Variants in SEMA3A observed in about 807,000 individuals in gnomAD.
SEMA3A encodes the protein semaphorin 3A, also known as semaphorin-3A.
Under a neutral mutation model 97.9 loss-of-function variants are expected in SEMA3A, and 29 were observed. The ratio of observed to expected loss-of-function variants is 0.30; its 90% CI spans 0.22 to 0.40. SEMA3A has a LOEUF of 0.40. Ranked by LOEUF, SEMA3A falls within the 10% of genes least tolerant of loss-of-function variation. The pLI is 1.00. For missense variants in SEMA3A, 763 were observed against 951.3 expected, an observed-to-expected ratio of 0.80 and a Z score of 2.60; for synonymous variants, 321 against 323.7, an observed-to-expected ratio of 0.99 and a Z score of 0.09.
chr7:84,149,151 C>G (rs1322336552), intron 1 of SEMA3A, among the ~76,000 whole-genome samples: 2 of 152,160 alleles, frequency 1.3e-5, no homozygotes, highest in Non-Finnish European at 2.9e-5. Context: ...ATATCCAGCT[C>G]TCCCCAAGTA....
At chr7:84,191,721 T>G (rs1798043049) in intron 1 of SEMA3A, among the ~76,000 whole-genome samples, 1 of 151,804 alleles carries the variant, frequency 6.6e-6, no homozygotes, top group Admixed American at 6.6e-5. Context: ...AAATGTTTCT[T>G]AAGGATAATT....
chr7:84,087,640 C>T (rs1362357466), intron 4 of SEMA3A, among the ~76,000 whole-genome samples: 2 of 152,090 alleles, frequency 1.3e-5, no homozygotes, highest in Non-Finnish European at 2.9e-5. Flanking sequence ...CCCTAGAGGA[C>T]ATCTAAGTAG....
At chr7:84,356,948 C>T (rs1467466768) in intron 2 of SEMA3A, among the ~76,000 whole-genome samples, 2 of 151,582 alleles carry the variant, frequency 1.3e-5, no homozygotes, top group Non-Finnish European at 2.9e-5. Flanking sequence ...TCCACTTATA[C>T]GTGATGTGCT....
intron 4 of SEMA3A, among the ~76,000 whole-genome samples, chr7:84,107,038 A>G (rs7785176): frequency 0.44 from 67,432 of 151,936 alleles, 16,271 homozygotes; most frequent in Middle Eastern, 0.55. Context: ...TAGGAGAAAA[A>G]TAAGTCCTTT....
chr7:84,013,901 G>GA (rs1240639262), intron 7 of SEMA3A, among the ~76,000 whole-genome samples: 2 of 152,058 alleles, frequency 1.3e-5, no homozygotes, highest in Non-Finnish European at 2.9e-5. Flanking sequence ...TGCTAGGACT[G>GA]AAAAAACATA....
At chr7:83,981,515 T>C (rs745950134) in intron 13 of SEMA3A, 37 bp from the exon 14 acceptor site, 21 of 1,501,356 alleles carry the variant, frequency 1.4e-5, no homozygotes, top group African/African-American at 2.8e-5. Context: ...AAAAACTATC[T>C]TGTCTTTTAA....
intron 3 of SEMA3A, among the ~76,000 whole-genome samples, chr7:84,289,355 G>C (rs922318335): frequency 6.6e-6 from 1 of 151,998 alleles, no homozygotes; most frequent in Non-Finnish European, 1.5e-5. Flanking sequence ...AAAATAGCTA[G>C]GAAAGAGGAT....
At chr7:84,207,169 C>G (rs1051385382) in intron 3 of SEMA3A, among the ~76,000 whole-genome samples, 14 of 152,186 alleles carry the variant, frequency 9.2e-5, no homozygotes, top group Non-Finnish European at 1.0e-4. Flanking sequence ...AGTGGTGAGG[C>G]TCTTATGGCC....
intron 3 of SEMA3A, among the ~76,000 whole-genome samples, chr7:84,299,309 CATAT>C (rs3077893): frequency 0.044 from 3,610 of 81,880 alleles, 65 homozygotes; most frequent in South Asian, 0.086. Context: ...TATATATCTC[CATAT>C]ATATATATAT....
chr7:84,326,501 G>T (rs533315631), intron 2 of SEMA3A, among the ~76,000 whole-genome samples: 8 of 152,050 alleles, frequency 5.3e-5, no homozygotes, highest in African/African-American at 1.9e-4. Context: ...ATTTTATTTT[G>T]TGAAATTTCC....
intron 1 of SEMA3A, among the ~76,000 whole-genome samples, chr7:84,443,880 CT>C (rs71078831): frequency 4.3e-3 from 396 of 92,392 alleles, no homozygotes; most frequent in African/African-American, 0.011. Flanking sequence ...GTGCTTTGTC[CT>C]TTTTTTTTTT....
chr7:84,317,856 G>C (rs1259394425), intron 2 of SEMA3A, among the ~76,000 whole-genome samples: 1 of 151,684 alleles, frequency 6.6e-6, no homozygotes, highest in African/African-American at 2.4e-5. Flanking sequence ...CTGATTTCTG[G>C]GTAAGCTTTG....
intron 1 of SEMA3A, among the ~76,000 whole-genome samples, chr7:84,168,396 G>A (rs1053849578): frequency 1.3e-5 from 2 of 151,764 alleles, no homozygotes; most frequent in African/African-American, 4.8e-5. Flanking sequence ...ATTTTCTATT[G>A]TTTTAACTTC....
At chr7:84,482,920 A>G (rs1026868060) in intron 1 of SEMA3A, among the ~76,000 whole-genome samples, 14 of 150,090 alleles carry the variant, frequency 9.3e-5, no homozygotes, top group African/African-American at 3.4e-4. Flanking sequence ...TCTCATCTGA[A>G]AGTACCCTTG....
At chr7:84,055,168 C>T (rs943681910) in intron 5 of SEMA3A, among the ~76,000 whole-genome samples, 14 of 152,206 alleles carry the variant, frequency 9.2e-5, no homozygotes, top group East Asian at 3.9e-4. Flanking sequence ...TTTGTCTGTG[C>T]CCTGCCCCCA....
chr7:84,224,930 A>G (rs1798955651), intron 3 of SEMA3A, among the ~76,000 whole-genome samples: 1 of 151,926 alleles, frequency 6.6e-6, no homozygotes, highest in Non-Finnish European at 1.5e-5. Context: ...TCCTGCTATG[A>G]AAATAAGATG....
chr7:84,110,614 G>T, intron 3 of SEMA3A, 25 bp from the exon 4 acceptor site: 1 of 1,612,770 alleles, frequency 6.2e-7, no homozygotes, highest in South Asian at 1.1e-5. Flanking sequence ...GAAAACCAAA[G>T]AGTTTCAGCA....
chr7:84,123,869 C>T (rs1795710090), intron 3 of SEMA3A, among the ~76,000 whole-genome samples: 1 of 151,476 alleles, frequency 6.6e-6, no homozygotes, highest in Non-Finnish European at 1.5e-5. Context: ...GTGCCTGAGG[C>T]TACAGGTTTC....
At chr7:84,008,183 C>T (rs1790741376) in intron 9 of SEMA3A, among the ~76,000 whole-genome samples, 1 of 152,170 alleles carries the variant, frequency 6.6e-6, no homozygotes, top group African/African-American at 2.4e-5. Flanking sequence ...AAGTAAGCCA[C>T]TGAATTGCCA....
Sources: allele counts gnomAD v4.1 joint callset (sites outside exome capture counted in the v4.1 genomes callset), GRCh38; gene constraint gnomAD v4.1.1; transcripts MANE v1.5; gene names NCBI Gene and HGNC (gene_info 2026-07-23, HGNC 2026-07-21).